Variants in PDGFD observed in about 807,000 individuals in gnomAD.
PDGFD encodes platelet-derived growth factor D.
A neutral mutation model predicts 44.7 loss-of-function variants in PDGFD; 30 were observed. That is an observed-to-expected ratio of 0.67 (90% confidence interval 0.50 to 0.91). The LOEUF is 0.91. Ranked by LOEUF, PDGFD falls within the 40% of genes least tolerant of loss-of-function variation. The pLI is 0.00. For missense variants in PDGFD, 445 were observed against 457.8 expected (o/e 0.97, Z 0.25); for synonymous variants, 173 against 168.4 (o/e 1.03, Z -0.21).
intron 2 of PDGFD, among the ~76,000 whole-genome samples, chr11:103,997,735 C>T (rs897506386): frequency 4.6e-5 from 7 of 152,150 alleles, no homozygotes; most frequent in Non-Finnish European, 1.0e-4. Context: ...ATTTACTGCA[C>T]AAAGCATGAC....
intron 3 of PDGFD, among the ~76,000 whole-genome samples, chr11:103,954,458 A>T (rs1248502811): frequency 6.6e-6 from 1 of 152,190 alleles, no homozygotes; most frequent in African/African-American, 2.4e-5. Flanking sequence ...GTGGCTGTTC[A>T]TTTTTATCCT....
At chr11:104,079,143 T>C (rs1379864983) in intron 1 of PDGFD, among the ~76,000 whole-genome samples, 1 of 152,182 alleles carries the variant, frequency 6.6e-6, no homozygotes, top group African/African-American at 2.4e-5. Flanking sequence ...TCAAACAAAG[T>C]AGACATGTTA....
At chr11:104,037,006 G>T in intron 1 of PDGFD, 1 of 1,614,200 alleles carries the variant, frequency 6.2e-7, no homozygotes, top group Non-Finnish European at 8.5e-7. Context: ...CTGTTCCCTG[G>T]GCTCCTACGG....
intron 1 of PDGFD, among the ~76,000 whole-genome samples, chr11:104,090,737 T>C (rs1395194295): frequency 2.9e-5 from 1 of 34,396 alleles, no homozygotes; most frequent in East Asian, 7.9e-4. Context: ...AAGAAACATT[T>C]TACTGCAATA....
chr11:104,086,492 A>G (rs1467696387), intron 1 of PDGFD, among the ~76,000 whole-genome samples: 1 of 152,230 alleles, frequency 6.6e-6, no homozygotes, highest in Non-Finnish European at 1.5e-5. Context: ...CTATTCCAAT[A>G]TAGCCTAAAA....
chr11:104,070,207 G>A (rs192211666), intron 1 of PDGFD, among the ~76,000 whole-genome samples: 1 of 152,212 alleles, frequency 6.6e-6, no homozygotes, highest in Non-Finnish European at 1.5e-5. Flanking sequence ...ATCAGAGAAC[G>A]GTATTTAGAA....
intron 1 of PDGFD, among the ~76,000 whole-genome samples, chr11:104,116,018 G>A (rs1861631854): frequency 6.6e-6 from 1 of 151,758 alleles, no homozygotes; most frequent in Admixed American, 6.6e-5. Flanking sequence ...TGTTCCTTTT[G>A]TCATGCTCTT....
At chr11:104,038,100 A>T in intron 1 of PDGFD, 1 of 1,333,156 alleles carries the variant, frequency 7.5e-7, no homozygotes, top group Admixed American at 2.7e-5. Context: ...TGTAATCATT[A>T]AAAAACATCA....
chr11:104,144,523 A>C (rs1271100331), intron 1 of PDGFD, among the ~76,000 whole-genome samples: 1 of 145,662 alleles, frequency 6.9e-6, no homozygotes, highest in Non-Finnish European at 1.5e-5. Flanking sequence ...AAAAAAAAAA[A>C]AAAAACCCAA....
intron 3 of PDGFD, among the ~76,000 whole-genome samples, chr11:103,966,049 T>C (rs1474013067): frequency 6.6e-6 from 1 of 152,122 alleles, no homozygotes; most frequent in Admixed American, 6.6e-5. Context: ...ACTCCTTATG[T>C]TGTGGGGAGA....
chr11:104,033,481 T>TAA (rs1468666830), intron 1 of PDGFD, among the ~76,000 whole-genome samples: 1 of 152,010 alleles, frequency 6.6e-6, no homozygotes, highest in Non-Finnish European at 1.5e-5. Context: ...CCACCCAAAG[T>TAA]AAAAAAATTA....
chr11:104,163,856 G>A lies in PDGFD; in HGVS notation c.72C>T (p.Thr24=), dbSNP rs777496942. The A allele has an allele frequency of 1.9e-6, 3 of 1,577,762 alleles. No homozygotes were observed. Among genetic ancestry groups the A allele is most frequent in the Non-Finnish European group, 2.6e-6 (3 of 1,153,366 alleles). The part of the protein sequence containing the change: ...NFCSCRDTSA[T]PQSASIKALR... ...AAGCTTTGATGGATGCGCTCTGCGG[G>A]GTTGCAGAAGTGTCCCGACAGCTGC... Residue 24 remains threonine (T), a synonymous_variant, in exon 1 of 7, where the codon ACC becomes ACT. Transcript: ENST00000393158.
intron 3 of PDGFD, among the ~76,000 whole-genome samples, chr11:103,968,383 C>T (rs17101789): frequency 0.028 from 4,256 of 152,214 alleles, 205 homozygotes; most frequent in African/African-American, 0.095. Flanking sequence ...TCCTACGGGA[C>T]GTCTGATAAG....
chr11:104,145,313 T>A (rs1041382190), intron 1 of PDGFD, among the ~76,000 whole-genome samples: 24 of 152,230 alleles, frequency 1.6e-4, no homozygotes, highest in African/African-American at 5.8e-4. Context: ...ATGCAATACA[T>A]GCATCTCTTT....
chr11:104,059,020 C>A (rs979693698), intron 1 of PDGFD, among the ~76,000 whole-genome samples: 9 of 152,114 alleles, frequency 5.9e-5, no homozygotes, highest in Admixed American at 6.5e-5. Flanking sequence ...GGGACATGGG[C>A]CATTTTCAGG....
At chr11:104,062,360 G>A (rs886272560) in intron 1 of PDGFD, among the ~76,000 whole-genome samples, 3 of 152,172 alleles carry the variant, frequency 2.0e-5, no homozygotes, top group African/African-American at 7.2e-5. Flanking sequence ...TTCTCTGCAT[G>A]TCGTAAGATC....
intron 1 of PDGFD, among the ~76,000 whole-genome samples, chr11:104,010,279 A>G (rs2134374161): frequency 6.6e-6 from 1 of 152,144 alleles, no homozygotes; most frequent in African/African-American, 2.4e-5. Context: ...TTTGGAGACA[A>G]TGTTTTTTTG....
intron 3 of PDGFD, among the ~76,000 whole-genome samples, chr11:103,960,853 TAG>T (rs140274188): frequency 1.3e-5 from 2 of 151,150 alleles, no homozygotes; most frequent in Non-Finnish European, 3.0e-5. Flanking sequence ...CCACACATGG[TAG>T]AGAGAGAGAG....
intron 1 of PDGFD, among the ~76,000 whole-genome samples, chr11:104,007,175 C>T (rs2134371856): frequency 6.6e-6 from 1 of 152,250 alleles, no homozygotes; most frequent in South Asian, 2.1e-4. Flanking sequence ...AGGGAAGTAT[C>T]CCGTTTTACT....
Sources: allele counts gnomAD v4.1 joint callset (sites outside exome capture counted in the v4.1 genomes callset), GRCh38; gene constraint gnomAD v4.1.1; transcripts MANE v1.5; gene names NCBI Gene and HGNC (gene_info 2026-07-23, HGNC 2026-07-21).